The following SLC22A25 variants were observed in gnomAD, a reference collection of about 807,000 sequenced individuals.
The protein encoded by SLC22A25 is solute carrier family 22 member 25.
Under a neutral mutation model 45.9 loss-of-function variants are expected in SLC22A25, and 44 were observed. That is an observed-to-expected ratio of 0.96 (90% confidence interval 0.75 to 1.23). The LOEUF is 1.23. Ranked by LOEUF, SLC22A25 falls within the 50% of genes most tolerant of loss-of-function variation. SLC22A25 has a pLI of 0.00. For missense variants in SLC22A25, 800 were observed against 666.4 expected, an observed-to-expected ratio of 1.20 and a Z score of -2.21; for synonymous variants, 283 against 238.6, an observed-to-expected ratio of 1.19 and a Z score of -1.72.
In SLC22A25 at chr11:63,158,975, T is replaced by TA. The variant is rs2087515977; in HGVS notation, c.*4848dup. On this transcript the variant is annotated 3_prime_UTR_variant, in exon 12 of 12. Transcript: ENST00000306494. Reference sequence around the variant, plus strand: ...CTATGAGTTCAATTGTTTTTATTTTTATCTCACACAAATAAGCAAGAACAT... The same window carrying TA: ...CTATGAGTTCAATTGTTTTTATTTTTAATCTCACACAAATAAGCAAGAACAT... Among the ~76,000 whole-genome samples the TA allele has an allele frequency of 6.6e-6, 1 of 152,238 alleles. No homozygotes were observed. Among genetic ancestry groups the TA allele is most frequent in the South Asian group, 2.1e-4 (1 of 4,830 alleles).
At chr11:63,177,404 A>G (rs1487587929) in intron 9 of SLC22A25, among the ~76,000 whole-genome samples, 4 of 151,484 alleles carry the variant, frequency 2.6e-5, no homozygotes, top group Non-Finnish European at 4.4e-5. Flanking sequence ...TTTTAAATAT[A>G]CTCTTCTGGC....
intron 3 of SLC22A25, among the ~76,000 whole-genome samples, chr11:63,233,716 A>C (rs928453723): frequency 2.0e-5 from 3 of 151,990 alleles, no homozygotes; most frequent in African/African-American, 7.3e-5. Flanking sequence ...TAGTTCTTTT[A>C]ATTGTGATGT....
intron 9 of SLC22A25, chr11:63,168,141 C>A (rs1408945961): frequency 6.4e-6 from 1 of 156,088 alleles, no homozygotes; most frequent in Non-Finnish European, 1.4e-5. Flanking sequence ...AAAGGATGCC[C>A]CCACAAAAAC....
At chr11:63,185,876 T>C (rs975432911) in intron 7 of SLC22A25, among the ~76,000 whole-genome samples, 7 of 150,108 alleles carry the variant, frequency 4.7e-5, no homozygotes, top group Non-Finnish European at 8.9e-5. Context: ...CGTGAACTCA[T>C]CATTTTTTAT....
At position 63,197,910 on chromosome 11, in the gene SLC22A25, C is replaced by T. The variant is rs61180372; in HGVS notation, c.831-14093G>A. Reference sequence around the variant, plus strand: ...TGAAACAACCCCGTCAAAAAGTGGGCGAAGGATATGAGCAAACACTTCTCA... The same window carrying T: ...TGAAACAACCCCGTCAAAAAGTGGGTGAAGGATATGAGCAAACACTTCTCA... On this transcript the variant is annotated intron_variant, in intron 7 of 11. Coordinates refer to ENST00000306494, the MANE Select transcript of SLC22A25 (RefSeq NM_199352.6). 8.3e-3 allele frequency among the ~76,000 whole-genome samples: 1,262 copies of T among 152,102 alleles called. 26 individuals carry two copies. Among genetic ancestry groups the T allele is most frequent in the African/African-American group, 0.029 (1,196 of 41,452 alleles).
chr11:63,182,544 A>C (rs1467282780), intron 8 of SLC22A25, among the ~76,000 whole-genome samples: 1 of 151,808 alleles, frequency 6.6e-6, no homozygotes, highest in Non-Finnish European at 1.5e-5. Flanking sequence ...AATGACATTC[A>C]GTTCCATCTG....
chr11:63,239,858 T>A (rs2090219683), intron 1 of SLC22A25, among the ~76,000 whole-genome samples: 1 of 152,202 alleles, frequency 6.6e-6, no homozygotes, highest in South Asian at 2.1e-4. Context: ...AAGTGCAAGA[T>A]AAGGTCTTCA....
At position 63,229,590 on chromosome 11, in the gene SLC22A25, C is replaced by T; in HGVS notation, c.63G>A (p.Met21Ile). 1.2e-6 allele frequency: 2 copies of T among 1,613,584 alleles called. No individual in the cohort carries two copies. Among genetic ancestry groups the T allele is most frequent in the Non-Finnish European group, 1.7e-6 (2 of 1,179,594 alleles). The part of the protein sequence containing the change: ...GGLGRFQILQ[M>I]VFLIMFNVIV... Reference sequence around the variant, plus strand: ...TGACGTTGAACATTATAAGGAAAACCATCTGAAGGATCTGGAATCTCCCCA... The same window carrying T: ...TGACGTTGAACATTATAAGGAAAACTATCTGAAGGATCTGGAATCTCCCCA... The change falls in exon 4 of 12, where the codon ATG becomes ATA. Residue 21 changes from methionine to isoleucine, a missense_variant. By Grantham distance (10) the Met-to-Ile change is conservative. Transcript: ENST00000306494.
intron 7 of SLC22A25, among the ~76,000 whole-genome samples, chr11:63,207,736 C>T (rs2089445147): frequency 6.6e-6 from 1 of 152,148 alleles, no homozygotes; most frequent in Non-Finnish European, 1.5e-5. Context: ...CTTTCCTAGG[C>T]ATTGTGAAGA....
chr11:63,175,379 T>C (rs2134723279), intron 9 of SLC22A25, among the ~76,000 whole-genome samples: 1 of 152,258 alleles, frequency 6.6e-6, no homozygotes, highest in South Asian at 2.1e-4. Flanking sequence ...TTGAGCACAT[T>C]TTCCATTGGC....
chr11:63,175,781 A>G (rs1404594184), intron 9 of SLC22A25, among the ~76,000 whole-genome samples: 3 of 151,848 alleles, frequency 2.0e-5, no homozygotes, highest in African/African-American at 4.8e-5. Context: ...TGTGTGTGCT[A>G]TAAGGAAAGG....
rs144240156 is a variant in SLC22A25 at position 63,230,735 on chromosome 11, T to C, written c.-444-639A>G. ...TTACATATGTATACGTGTGCCATGT[T>C]GGTGCGCTGCACCCATTAACAAGTC... is the stretch of plus-strand genomic sequence containing the variant. On this transcript the variant is annotated intron_variant, in intron 3 of 11. Transcript: ENST00000306494. Among the ~76,000 whole-genome samples, 1,306 of 152,356 alleles carry C rather than the reference T, an allele frequency of 8.6e-3. 16 individuals carry two copies. The highest frequency in any genetic ancestry group is 0.028 in the African/African-American group (1,165 of 41,580).
intron 1 of SLC22A25, among the ~76,000 whole-genome samples, chr11:63,241,850 G>A (rs2090254197): frequency 6.6e-6 from 1 of 152,332 alleles, no homozygotes; most frequent in Admixed American, 6.5e-5. Context: ...ACCAGACTGT[G>A]CAGCTTAAAT....
intron 7 of SLC22A25, among the ~76,000 whole-genome samples, chr11:63,200,169 T>C (rs552601949): frequency 2.0e-5 from 3 of 151,650 alleles, no homozygotes; most frequent in African/African-American, 7.3e-5. Flanking sequence ...GGCAGCATCA[T>C]CCTGACGCCA....
At chr11:63,166,366 CA>C in intron 9 of SLC22A25, 108 bp from the exon 10 acceptor site, 1 of 1,473,530 alleles carries the variant, frequency 6.8e-7, no homozygotes, top group Non-Finnish European at 9.0e-7. Context: ...AGTAAAAAGG[CA>C]GAGTGTGTTT....
chr11:63,216,604 T>C (rs1171470498), intron 7 of SLC22A25, among the ~76,000 whole-genome samples: 2 of 152,186 alleles, frequency 1.3e-5, no homozygotes, highest in East Asian at 3.9e-4. Context: ...GCCATTATAC[T>C]TAGCAAACTA....
At chr11:63,165,120 A>G (rs1479375523) in intron 10 of SLC22A25, among the ~76,000 whole-genome samples, 1 of 152,234 alleles carries the variant, frequency 6.6e-6, no homozygotes, top group Non-Finnish European at 1.5e-5. Flanking sequence ...CCTATGTTAA[A>G]GGACAGATTG....
rs949154022 is a variant in SLC22A25 at position 63,180,221 on chromosome 11, C to T, written c.1070+439G>A. Among the ~76,000 whole-genome samples, 3 of 152,232 alleles carry T rather than the reference C, an allele frequency of 2.0e-5. No homozygotes were observed. The East Asian group carries it at 5.8e-4, about 29-fold the overall frequency. ...GGGGTAGGATTTTCTGTTACGTCATCTTGCTGAACTTGTGATCATTTCCCA... is the reference window on the plus strand; with the variant it reads ...GGGGTAGGATTTTCTGTTACGTCATTTTGCTGAACTTGTGATCATTTCCCA... On this transcript the variant is annotated intron_variant, in intron 9 of 11. Coordinates refer to ENST00000306494, the MANE Select transcript of SLC22A25 (RefSeq NM_199352.6).
chr11:63,207,720 C>T (rs913946698), intron 7 of SLC22A25, among the ~76,000 whole-genome samples: 1 of 152,180 alleles, frequency 6.6e-6, no homozygotes, highest in African/African-American at 2.4e-5. Context: ...AGCCTTATCT[C>T]TCCTTCTTTC....
Sources: allele counts gnomAD v4.1 joint callset (sites outside exome capture counted in the v4.1 genomes callset), GRCh38; gene constraint gnomAD v4.1.1; transcripts MANE v1.5; gene names NCBI Gene and HGNC (gene_info 2026-07-23, HGNC 2026-07-21).